Variants in CNBD1 observed in about 807,000 individuals in gnomAD.
CNBD1 encodes the protein cyclic nucleotide binding domain containing 1.
CNBD1 carries 71 observed loss-of-function variants against 54.4 expected under a neutral mutation model. That is an observed-to-expected ratio of 1.30 (90% CI 1.08 to 1.59). CNBD1 has a LOEUF of 1.59. Ranked by LOEUF, CNBD1 falls within the 40% of genes most tolerant of loss-of-function variation. The probability of loss-of-function intolerance (pLI) is 0.00; values close to 1 mark genes in which losing one functional copy is unlikely to be tolerated. For missense variants in CNBD1, 659 were observed against 518.0 expected (o/e 1.27, Z -2.64); for synonymous variants, 182 against 170.7 (o/e 1.07, Z -0.51).
At position 86,978,587 on chromosome 8, in the gene CNBD1, G is replaced by A. The variant is rs1808398012; in HGVS notation, c.431+38833G>A. On this transcript the variant is annotated intron_variant, in intron 4 of 10. Coordinates refer to ENST00000518476, the MANE Select transcript of CNBD1 (RefSeq NM_173538.3). ...GGCGAAGTTTCGCTCTTGTTGCCCA[G>A]GCTGGAGTGCAATGGCGCGATCTTG... 2.3e-5 allele frequency among the ~76,000 whole-genome samples: 3 copies of A among 132,414 alleles called. No homozygotes were observed. In the Admixed American group the frequency reaches 2.8e-4, roughly 12 times the overall value. The allele number at this position is 132,414 out of a possible 152,430, so 86.9% of individuals were successfully genotyped here.
intron 8 of CNBD1, among the ~76,000 whole-genome samples, chr8:87,334,206 T>C (rs1809894579): frequency 6.6e-6 from 1 of 152,206 alleles, no homozygotes; most frequent in Non-Finnish European, 1.5e-5. Context: ...TAGCTTGTAT[T>C]TCTTTGGGTC....
intron 2 of CNBD1, among the ~76,000 whole-genome samples, chr8:87,410,352 A>C (rs1199001341): frequency 1.3e-5 from 2 of 152,172 alleles, no homozygotes; most frequent in African/African-American, 4.8e-5. Context: ...GGTTCTGAGC[A>C]AAGCAAATGA....
At chr8:87,225,874 C>T (rs1266140066) in intron 5 of CNBD1, among the ~76,000 whole-genome samples, 2 of 147,040 alleles carry the variant, frequency 1.4e-5, no homozygotes, top group East Asian at 3.9e-4. Context: ...TGGTCCAGGA[C>T]TCTTTTTGGT....
At chr8:87,087,656 C>T (rs938218428) in intron 4 of CNBD1, among the ~76,000 whole-genome samples, 78 of 151,852 alleles carry the variant, frequency 5.1e-4, no homozygotes, top group African/African-American at 1.7e-3. Flanking sequence ...TTAGTAGAGA[C>T]GGGGTTTCAC....
chr8:86,882,469 A>G (rs570718952), intron 1 of CNBD1, among the ~76,000 whole-genome samples: 7 of 152,322 alleles, frequency 4.6e-5, no homozygotes, highest in African/African-American at 1.4e-4. Context: ...AACCACTGAG[A>G]CACCATCTCA....
chr8:87,027,056 A>G (rs938447674), intron 4 of CNBD1, among the ~76,000 whole-genome samples: 14 of 152,286 alleles, frequency 9.2e-5, no homozygotes, highest in African/African-American at 2.9e-4. Context: ...AACTTGAAAA[A>G]TACTTTGGGC....
chr8:87,210,655 G>A (rs1423241337), intron 5 of CNBD1, among the ~76,000 whole-genome samples: 1 of 152,160 alleles, frequency 6.6e-6, no homozygotes, highest in African/African-American at 2.4e-5. Context: ...CATAAGCTTT[G>A]GTGGTTTCCA....
At chr8:87,386,767 A>T (rs1397654387), downstream of CNBD1, among the ~76,000 whole-genome samples, 1 of 152,198 alleles carries the variant, frequency 6.6e-6, no homozygotes, top group Non-Finnish European at 1.5e-5. Flanking sequence ...CGCCACAAAG[A>T]TACTCCTCAA....
At chr8:87,219,939 C>A (rs1025710520) in intron 5 of CNBD1, among the ~76,000 whole-genome samples, 1 of 151,788 alleles carries the variant, frequency 6.6e-6, no homozygotes, top group Non-Finnish European at 1.5e-5. Flanking sequence ...CTAAAAAATT[C>A]ATATTATTAT....
At position 87,397,022 on chromosome 8, in the gene CNBD1, A is replaced by T. The variant is rs140643462; in HGVS notation, c.214-31524A>T. On this transcript the variant is annotated intron_variant, in intron 2 of 7. Transcript: ENST00000521593. ...CATGTATTTTAAAATCTATTATTTA[A>T]CCTTTGGTTTTAGAGGCAAGCTTTT... Among the ~76,000 whole-genome samples, 80 of 150,626 alleles carry T rather than the reference A, an allele frequency of 5.3e-4. 1 individual carries two copies. The East Asian group carries it at 0.014, about 26-fold the overall frequency.
intron 8 of CNBD1, 92 bp from the exon 9 acceptor site, chr8:87,351,593 G>A (rs1398566830): frequency 1.4e-5 from 17 of 1,183,276 alleles, no homozygotes; most frequent in South Asian, 3.4e-5. Flanking sequence ...AATAGTTATT[G>A]AATTAAATAC....
chr8:86,910,742 C>T (rs564017592), intron 3 of CNBD1, among the ~76,000 whole-genome samples: 1 of 152,186 alleles, frequency 6.6e-6, no homozygotes, highest in South Asian at 2.1e-4. Context: ...AAGGTTTGTT[C>T]CATGACCACG....
At chr8:86,917,725 G>A (rs1392368688) in intron 3 of CNBD1, among the ~76,000 whole-genome samples, 2 of 152,128 alleles carry the variant, frequency 1.3e-5, no homozygotes. Context: ...CTCTGCAACA[G>A]GAACATGATG....
intron 6 of CNBD1, among the ~76,000 whole-genome samples, chr8:87,280,736 G>A (rs1195394374): frequency 6.6e-6 from 1 of 151,372 alleles, no homozygotes; most frequent in African/African-American, 2.4e-5. Flanking sequence ...TTATTCAAAA[G>A]AAAGATTTAT....
chr8:86,924,705 TA>T (rs1342964350), intron 3 of CNBD1, among the ~76,000 whole-genome samples: 15 of 152,194 alleles, frequency 9.9e-5, no homozygotes, highest in African/African-American at 3.6e-4. Flanking sequence ...ATGATTATTT[TA>T]TAAATACTTA....
At chr8:86,950,517 T>G (rs1807591159) in intron 4 of CNBD1, among the ~76,000 whole-genome samples, 1 of 152,320 alleles carries the variant, frequency 6.6e-6, no homozygotes, top group African/African-American at 2.4e-5. Flanking sequence ...ATGAATGATA[T>G]TTTTAATGCA....
intron 2 of CNBD1, among the ~76,000 whole-genome samples, chr8:86,897,608 C>G (rs1808866087): frequency 6.6e-6 from 1 of 152,212 alleles, no homozygotes; most frequent in Non-Finnish European, 1.5e-5. Context: ...GGCAGAGGAA[C>G]ACAGCCAATT....
chr8:87,361,561 G>T (rs1483518157), intron 10 of CNBD1, among the ~76,000 whole-genome samples: 1 of 151,522 alleles, frequency 6.6e-6, no homozygotes, highest in Admixed American at 6.6e-5. Flanking sequence ...GTTTTAGGAA[G>T]GGAAAATCCT....
At chr8:87,274,388 C>G (rs572678232) in intron 6 of CNBD1, among the ~76,000 whole-genome samples, 1 of 146,402 alleles carries the variant, frequency 6.8e-6, no homozygotes, top group South Asian at 2.2e-4. Context: ...GTCCCACCAA[C>G]AGTGTAAAAG....
Sources: allele counts gnomAD v4.1 joint callset (sites outside exome capture counted in the v4.1 genomes callset), GRCh38; gene constraint gnomAD v4.1.1; transcripts MANE v1.5; gene names NCBI Gene and HGNC (gene_info 2026-07-23, HGNC 2026-07-21).